Variants in KLC4 observed in about 807,000 individuals in gnomAD.
KLC4 encodes kinesin light chain 4, also known as kinesin-like protein 8.
KLC4 carries 49 observed loss-of-function variants against 77.2 expected under a neutral mutation model. The observed-to-expected ratio is 0.63, with a 90% CI of 0.50 to 0.80. KLC4 has a LOEUF of 0.80. KLC4 is among the 30% of genes least tolerant of loss of function. The pLI is 0.00. For synonymous variants in KLC4, 274 were observed against 314.5 expected (o/e 0.87, Z 1.36); for missense variants, 669 against 793.5 (o/e 0.84, Z 1.89).
At chr6:43,074,058 G>A in intron 15 of KLC4, 93 bp downstream of exon 15, 12 of 949,906 alleles carry the variant, frequency 1.3e-5, no homozygotes, top group Non-Finnish European at 1.9e-5. Flanking sequence ...GGAAGGGAGA[G>A]GAGTCATCTG....
In KLC4 at chr6:43,072,248, G is replaced by T; in HGVS notation, c.1481G>T (p.Arg494Leu). ...CTGGAGGAATGTGCCCTGCGGTCCC[G>T]GAGACAGGTCAGAAGCCCAGAGGGG... ...ETLEECALRS[R>L]RQGTDPISQT... The change falls in exon 12 of 16, where the codon CGG becomes CTG. Residue 494 changes from arginine to leucine, a missense_variant. Arg to Leu is a moderately radical substitution (Grantham distance 102). Coordinates refer to ENST00000347162, the MANE Select transcript of KLC4 (RefSeq NM_201521.3). 1.2e-6 allele frequency: 2 copies of T among 1,613,350 alleles called. No homozygotes were observed. The highest frequency in any genetic ancestry group is 8.5e-7 in the Non-Finnish European group (1 of 1,179,362).
chr6:43,059,943 C>T (rs1337732029), intron 1 of KLC4: 3 of 1,304,772 alleles, frequency 2.3e-6, no homozygotes, highest in Admixed American at 3.6e-5. Context: ...GAGCTGCGGA[C>T]CTCAGTCGTC....
At position 43,071,875 on chromosome 6, in the gene KLC4, A is replaced by G; in HGVS notation, c.1332A>G (p.Thr444=). The G allele has an allele frequency of 6.2e-7, 1 of 1,612,352 alleles. No homozygotes were observed. Among genetic ancestry groups the G allele is most frequent in the East Asian group, 2.2e-5 (1 of 44,852 alleles). ...AGAGCCGGCACCATGAGGGTGGGACACCCTATGCTGAGTATGGAGGCTGGT... is the reference window on the plus strand; with the variant it reads ...AGAGCCGGCACCATGAGGGTGGGACGCCCTATGCTGAGTATGGAGGCTGGT... ...MSKSRHHEGG[T]PYAEYGGWYK... The change falls in exon 11 of 16, where the codon ACA becomes ACG. Residue 444 remains threonine (T), a synonymous_variant. Coordinates refer to ENST00000347162, the MANE Select transcript of KLC4 (RefSeq NM_201521.3).
Position 43,061,576 on chromosome 6 carries a change from G to A in KLC4, c.241G>A (p.Gly81Arg), listed in dbSNP as rs746173312. 20 of 1,610,802 alleles carry A rather than the reference G, an allele frequency of 1.2e-5. No individual in the cohort carries two copies. Among genetic ancestry groups the A allele is most frequent in the South Asian group, 3.3e-5 (3 of 90,962 alleles). ...CCGTTCTATGGAAAACATTGAGCTC[G>A]GGCTGAGTGAGGCCCAGGTGAGAGG... ...LRRSMENIEL[G>R]LSEAQVMLAL... The change falls in exon 2 of 16, where the codon GGG becomes AGG. Residue 81 changes from glycine to arginine, a missense_variant. Transcript: ENST00000347162.
At chr6:43,060,210 A>G (rs1286702097) in intron 1 of KLC4, 32 of 1,613,840 alleles carry the variant, frequency 2.0e-5, no homozygotes, top group Non-Finnish European at 2.7e-5. Flanking sequence ...AGACAAAACC[A>G]TGGAAGTGAC....
At position 43,065,548 on chromosome 6, in the gene KLC4, C is replaced by T. The variant is rs1765376366; in HGVS notation, c.490-72C>T. ...GTCCCATCTGTCTGTGATTTCATGG[C>T]TTAGAGGGGTCACTGAGAAGGCTAC... is the stretch of plus-strand genomic sequence containing the variant. On this transcript the variant is annotated intron_variant, in intron 3 of 15. Transcript: ENST00000347162. 1.5e-5 allele frequency: 15 copies of T among 995,080 alleles called. No homozygotes were observed. The South Asian group carries it at 2.0e-4, about 13-fold the overall frequency. The allele number at this position is 995,080 out of a possible 1,614,324, so 61.6% of individuals were successfully genotyped here.
intron 7 of KLC4, 110 bp from the exon 8 acceptor site, chr6:43,070,582 C>T: frequency 1.4e-6 from 2 of 1,423,710 alleles, no homozygotes; most frequent in Non-Finnish European, 1.9e-6. Context: ...TCTCTTCCTT[C>T]ATTCCCTTTC....
rs756907007 is a variant in KLC4, at chr6:43,066,299, G to A, written c.572-7G>A. ...GAGTCCTTTGTTTATGTTCTGTGAT[G>A]GTTTAGTGTCCCGTGGTCAAGGTGC... On this transcript the variant is annotated splice_polypyrimidine_tract_variant and splice_region_variant and intron_variant, in intron 4 of 15. Coordinates refer to ENST00000347162, the MANE Select transcript of KLC4 (RefSeq NM_201521.3). 3 of 1,611,884 alleles carry A rather than the reference G, an allele frequency of 1.9e-6. No homozygotes were observed. Among genetic ancestry groups the A allele is most frequent in the Non-Finnish European group, 2.5e-6 (3 of 1,177,966 alleles).
At chr6:43,074,371 C>CT in intron 15 of KLC4, 2 of 521,960 alleles carry the variant, frequency 3.8e-6, no homozygotes, top group East Asian at 6.2e-5. Context: ...CAAATGACTT[C>CT]TTGTATCAAC....
chr6:43,073,778 C>A, intron 14 of KLC4, 124 bp from the exon 15 acceptor site: 1 of 794,540 alleles, frequency 1.3e-6, no homozygotes, highest in Non-Finnish European at 2.1e-6. Context: ...GTCAACGGGC[C>A]AGCCATGGAG....
intron 1 of KLC4, chr6:43,060,236 C>T: frequency 6.2e-7 from 1 of 1,614,142 alleles, no homozygotes; most frequent in Non-Finnish European, 8.5e-7. Flanking sequence ...TTGGAGTGAC[C>T]AGGTGTTCCT....
At position 43,070,885 on chromosome 6, in the gene KLC4, GTA is replaced by G; in HGVS notation, c.1155+21_1155+22del. 1 of 1,208,748 alleles carries G rather than the reference GTA, an allele frequency of 8.3e-7. No homozygotes were observed. The highest frequency in any genetic ancestry group is 1.1e-6 in the Non-Finnish European group (1 of 902,996). The allele number at this position is 1,208,748 out of a possible 1,614,324, so 74.9% of individuals were successfully genotyped here. A position where few individuals can be genotyped will look rare whatever the true frequency, so the allele number is the denominator to read the frequency against. On this transcript the variant is annotated intron_variant, in intron 8 of 15. Transcript: ENST00000347162. ...AACCTGGTATGGGAGGAGGGACAAA[GTA>G]GGTGGAAGAAACGGAGAGGGGGGCA... is the stretch of plus-strand genomic sequence containing the variant.
chr6:43,061,034 T>C, intron 1 of KLC4: 1 of 412,820 alleles, frequency 2.4e-6, no homozygotes, highest in African/African-American at 2.0e-5. Flanking sequence ...GTTCTTTTCC[T>C]AAGTCCTAAA....
In KLC4 at chr6:43,074,869, C is replaced by T; in HGVS notation, c.*197C>T. ...TTAGGAAGGACCCTCAGGACACCCTCTCTGCACCCTGTGGTCCTCTAGAGT... is the reference window on the plus strand; with the variant it reads ...TTAGGAAGGACCCTCAGGACACCCTTTCTGCACCCTGTGGTCCTCTAGAGT... On this transcript the variant is annotated 3_prime_UTR_variant, in exon 16 of 16. Transcript: ENST00000347162. 1 of 600,034 alleles carries T rather than the reference C, an allele frequency of 1.7e-6. No individual in the cohort carries two copies. The allele number at this position is 600,034 out of a possible 1,614,324, so 37.2% of individuals were successfully genotyped here. A position where few individuals can be genotyped will look rare whatever the true frequency, so the allele number is the denominator to read the frequency against.
intron 3 of KLC4, among the ~76,000 whole-genome samples, chr6:43,063,863 T>C (rs548512710): frequency 4.6e-5 from 7 of 151,920 alleles, no homozygotes; most frequent in Non-Finnish European, 1.0e-4. Flanking sequence ...CCAAAATGTG[T>C]GAAATTTAAC....
chr6:43,071,247 C>G (rs1219209198), intron 8 of KLC4, 28 bp from the exon 9 acceptor site: 3 of 1,367,518 alleles, frequency 2.2e-6, no homozygotes, highest in African/African-American at 1.4e-5. Flanking sequence ...ATGTTTTGTT[C>G]CTGTATTTTT....
At chr6:43,060,071 C>A in intron 1 of KLC4, 1 of 1,527,398 alleles carries the variant, frequency 6.5e-7, no homozygotes. Flanking sequence ...GAGACCCACT[C>A]CAGCGCCGCG....
At chr6:43,072,010 C>A in intron 11 of KLC4, 88 bp downstream of exon 11, 1 of 1,433,878 alleles carries the variant, frequency 7.0e-7, no homozygotes, top group East Asian at 2.3e-5. Context: ...CCCTTCCTCC[C>A]GTAGACTTTC....
intron 14 of KLC4, chr6:43,073,626 G>A (rs775572850): frequency 8.8e-5 from 45 of 513,370 alleles, no homozygotes; most frequent in South Asian, 6.5e-4. Flanking sequence ...CAGCCCAGGC[G>A]ACAACAGCGA....
Sources: gnomAD v4.1 joint callset for allele counts (sites outside exome capture counted in the v4.1 genomes callset) on GRCh38, gnomAD v4.1.1 for gene constraint, MANE v1.5 for transcripts, NCBI Gene and HGNC (gene_info 2026-07-23, HGNC 2026-07-21) for gene names.